Variants in PTPRR observed in about 807,000 individuals in gnomAD.
PTPRR encodes the protein receptor-type tyrosine-protein phosphatase R.
Under a neutral mutation model 77.2 loss-of-function variants are expected in PTPRR, and 38 were observed. The observed-to-expected ratio is 0.49, with a 90% confidence interval of 0.38 to 0.65. The LOEUF is 0.65. Among genes scored for constraint, PTPRR ranks in the 30% least tolerant of loss-of-function variants. PTPRR has a pLI of 0.00. For missense variants in PTPRR, 744 were observed against 799.2 expected, an observed-to-expected ratio of 0.93 and a Z score of 0.83; for synonymous variants, 299 against 283.1, an observed-to-expected ratio of 1.06 and a Z score of -0.57.
intron 1 of PTPRR, among the ~76,000 whole-genome samples, chr12:70,898,198 T>C (rs1485932941): frequency 6.8e-6 from 1 of 147,290 alleles, no homozygotes; most frequent in East Asian, 2.0e-4. Context: ...CCTATGTAGA[T>C]AACCTGAATT....
intron 2 of PTPRR, among the ~76,000 whole-genome samples, chr12:70,865,885 C>T (rs1056697636): frequency 6.6e-6 from 1 of 152,174 alleles, no homozygotes; most frequent in Non-Finnish European, 1.5e-5. Flanking sequence ...ACGCAACCAC[C>T]TCAAAACAAG....
At chr12:70,676,541 T>C (rs1449596423) in intron 10 of PTPRR, among the ~76,000 whole-genome samples, 2 of 152,062 alleles carry the variant, frequency 1.3e-5, no homozygotes, top group African/African-American at 4.8e-5. Flanking sequence ...ATTTTGATTG[T>C]AGGCTTATGT....
At chr12:70,913,092 C>T (rs903460741) in intron 1 of PTPRR, among the ~76,000 whole-genome samples, 7 of 152,102 alleles carry the variant, frequency 4.6e-5, no homozygotes, top group Non-Finnish European at 1.0e-4. Flanking sequence ...ATCTCTAATA[C>T]TAATGGCAAT....
At chr12:70,662,649 A>G in intron 10 of PTPRR, 44 bp from the exon 11 acceptor site, 1 of 1,177,366 alleles carries the variant, frequency 8.5e-7, no homozygotes, top group Non-Finnish European at 1.3e-6. Flanking sequence ...AATGGCTTTT[A>G]TTAGCCATGG....
chr12:70,762,734 C>T (rs1020474544), intron 3 of PTPRR, among the ~76,000 whole-genome samples: 4 of 152,148 alleles, frequency 2.6e-5, no homozygotes, highest in East Asian at 1.9e-4. Flanking sequence ...ACAAATAAAA[C>T]GTAAGAGGCT....
chr12:70,715,688 G>A (rs1889000372), intron 6 of PTPRR, among the ~76,000 whole-genome samples: 1 of 152,170 alleles, frequency 6.6e-6, no homozygotes, highest in African/African-American at 2.4e-5. Flanking sequence ...TTTGAAAGAA[G>A]AGAAATATGG....
intron 2 of PTPRR, among the ~76,000 whole-genome samples, chr12:70,790,581 A>G (rs1891404896): frequency 6.6e-6 from 1 of 151,972 alleles, no homozygotes; most frequent in Non-Finnish European, 1.5e-5. Flanking sequence ...AGAACTCAAG[A>G]CTCATGCATC....
At chr12:70,650,456 T>C (rs549469881) in intron 13 of PTPRR, among the ~76,000 whole-genome samples, 1,797 of 151,706 alleles carry the variant, frequency 0.012, 36 homozygotes, top group African/African-American at 0.04. Flanking sequence ...AAACAAAATA[T>C]ATATATATAT....
chr12:70,676,464 A>T (rs1887450523), intron 10 of PTPRR, among the ~76,000 whole-genome samples: 1 of 151,944 alleles, frequency 6.6e-6, no homozygotes, highest in Admixed American at 6.6e-5. Context: ...ATTTATGTGA[A>T]TCTATTTAAT....
intron 6 of PTPRR, among the ~76,000 whole-genome samples, chr12:70,708,751 C>T (rs1215529392): frequency 1.3e-5 from 2 of 151,448 alleles, no homozygotes; most frequent in East Asian, 3.9e-4. Context: ...ATGACTAAGC[C>T]ATTCCTTGTG....
At chr12:70,661,240 A>G in intron 11 of PTPRR, 143 bp from the exon 12 acceptor site, 1 of 1,022,448 alleles carries the variant, frequency 9.8e-7, no homozygotes. Context: ...AGATTTTTGA[A>G]GAGTGCCCTT....
At chr12:70,744,806 C>G (rs915178977) in intron 6 of PTPRR, among the ~76,000 whole-genome samples, 3 of 152,164 alleles carry the variant, frequency 2.0e-5, no homozygotes, top group Admixed American at 6.5e-5. Context: ...AGAACTTACT[C>G]TCCCACTACC....
At chr12:70,768,619 A>C (rs1372894244) in intron 2 of PTPRR, among the ~76,000 whole-genome samples, 2 of 152,220 alleles carry the variant, frequency 1.3e-5, no homozygotes, top group African/African-American at 4.8e-5. Context: ...AAACTATTCC[A>C]ATCAATAGAA....
intron 8 of PTPRR, among the ~76,000 whole-genome samples, chr12:70,688,232 G>A (rs1053256131): frequency 3.9e-5 from 6 of 152,120 alleles, no homozygotes; most frequent in Admixed American, 3.9e-4. Context: ...AGACACAGGG[G>A]ATTGCATCAA....
chr12:70,868,863 G>T (rs1565724363), intron 2 of PTPRR, among the ~76,000 whole-genome samples: 1 of 151,902 alleles, frequency 6.6e-6, no homozygotes, highest in Non-Finnish European at 1.5e-5. Flanking sequence ...CATAAAAAAT[G>T]ATGAGTTCAT....
intron 13 of PTPRR, among the ~76,000 whole-genome samples, chr12:70,645,944 T>C (rs1592630041): frequency 6.6e-6 from 1 of 152,282 alleles, no homozygotes; most frequent in East Asian, 1.9e-4. Flanking sequence ...CTTTTGTGAC[T>C]ATTCACTCAC....
intron 2 of PTPRR, among the ~76,000 whole-genome samples, chr12:70,869,268 AC>A (rs1892919650): frequency 6.6e-6 from 1 of 152,170 alleles, no homozygotes; most frequent in Non-Finnish European, 1.5e-5. Context: ...ACTGAGGGTC[AC>A]TCAAAATATG....
At chr12:70,656,940 T>C (rs1443049094) in intron 12 of PTPRR, 123 bp from the exon 13 acceptor site, 3 of 646,660 alleles carry the variant, frequency 4.6e-6, no homozygotes, top group Non-Finnish European at 5.4e-6. Context: ...ATATTGAGTA[T>C]TATAAACCTG....
intron 2 of PTPRR, among the ~76,000 whole-genome samples, chr12:70,830,338 C>T (rs1592781982): frequency 1.3e-5 from 2 of 152,158 alleles, no homozygotes; most frequent in African/African-American, 4.8e-5. Context: ...GAGTTCTGCT[C>T]ACTGCCCCAG....
Sources: allele counts gnomAD v4.1 joint callset (sites outside exome capture counted in the v4.1 genomes callset), GRCh38; gene constraint gnomAD v4.1.1; transcripts MANE v1.5; gene names NCBI Gene and HGNC (gene_info 2026-07-23, HGNC 2026-07-21).